PCBP3: variants seen among roughly 807,000 people sequenced by gnomAD.
PCBP3 encodes poly(rC) binding protein 3.
A neutral mutation model predicts 52.7 loss-of-function variants in PCBP3; 25 were observed. The ratio of observed to expected loss-of-function variants is 0.47; its 90% CI spans 0.35 to 0.66. The LOEUF (loss-of-function observed/expected upper bound fraction) is 0.66. Ranked by LOEUF, PCBP3 falls within the 30% of genes least tolerant of loss-of-function variation. The pLI is 0.01. For missense variants in PCBP3, 391 were observed against 490.3 expected (o/e 0.80, Z 1.91); for synonymous variants, 162 against 183.0 (o/e 0.89, Z 0.93).
chr21:45,924,265 G>A (rs529553048), intron 13 of PCBP3, among the ~76,000 whole-genome samples: 1 of 148,654 alleles, frequency 6.7e-6, no homozygotes, highest in East Asian at 2.1e-4. Context: ...AACAGCACAC[G>A]TAAGATCGGG....
chr21:45,922,990 G>C (rs2074668985), intron 13 of PCBP3, among the ~76,000 whole-genome samples: 1 of 152,214 alleles, frequency 6.6e-6, no homozygotes, highest in South Asian at 2.1e-4. Context: ...TTGTAAGTGG[G>C]AGCCAGGGAT....
In PCBP3 at chr21:45,789,826, C is replaced by T. The variant is rs58789579; in HGVS notation, c.-126+34374C>T. On this transcript the variant is annotated intron_variant, in intron 4 of 17. Coordinates refer to ENST00000681687, the MANE Select transcript of PCBP3 (RefSeq NM_001384156.1). ...GGGCCGAGTTAGGTTCTCGCCAAAT[C>T]GCTCTGGTGTCTGGGTAGAGAATAG... Among the ~76,000 whole-genome samples, 745 of 152,222 alleles carry T rather than the reference C, an allele frequency of 4.9e-3. 7 individuals are homozygous for T. Among genetic ancestry groups the T allele is most frequent in the African/African-American group, 0.016 (681 of 41,524 alleles).
At chr21:45,843,878 C>T (rs147763451) in intron 4 of PCBP3, among the ~76,000 whole-genome samples, 7 of 152,262 alleles carry the variant, frequency 4.6e-5, no homozygotes, top group African/African-American at 1.2e-4. Flanking sequence ...GACACACATA[C>T]GCACTATCAT....
intron 2 of PCBP3, among the ~76,000 whole-genome samples, chr21:45,670,558 C>G (rs1343606120): frequency 6.6e-6 from 1 of 152,058 alleles, no homozygotes; most frequent in African/African-American, 2.4e-5. Flanking sequence ...CTTAAAGGAG[C>G]AAGCTTAATC....
intron 4 of PCBP3, among the ~76,000 whole-genome samples, chr21:45,769,798 CTCGTTTCACAAG>C: frequency 6.6e-6 from 1 of 152,210 alleles, no homozygotes; most frequent in East Asian, 1.9e-4. Context: ...AAATGGGCCG[CTCGTTTCACAAG>C]TGATAGAAAT....
intron 4 of PCBP3, among the ~76,000 whole-genome samples, chr21:45,756,229 C>A (rs1265804557): frequency 6.6e-6 from 1 of 152,192 alleles, no homozygotes. Context: ...TTTGCTCTTT[C>A]ACCAGACAGC....
chr21:45,755,115 C>T (rs984125317), intron 3 of PCBP3, among the ~76,000 whole-genome samples: 2 of 152,152 alleles, frequency 1.3e-5, no homozygotes, highest in Admixed American at 1.3e-4. Flanking sequence ...CTCAAAGTTC[C>T]CTCATGACCC....
intron 1 of PCBP3, among the ~76,000 whole-genome samples, chr21:45,665,260 T>C (rs1414925714): frequency 4.6e-5 from 7 of 152,016 alleles, no homozygotes; most frequent in Non-Finnish European, 1.0e-4. Flanking sequence ...AATAAAAAAT[T>C]AGACAGGCAT....
intron 4 of PCBP3, among the ~76,000 whole-genome samples, chr21:45,759,464 T>C (rs2088405153): frequency 6.6e-6 from 1 of 152,218 alleles, no homozygotes; most frequent in Non-Finnish European, 1.5e-5. Flanking sequence ...CCGCATTATT[T>C]TTCTCTTCTT....
chr21:45,663,842 A>AT (rs1426339339), intron 1 of PCBP3, among the ~76,000 whole-genome samples: 3 of 151,890 alleles, frequency 2.0e-5, no homozygotes, highest in South Asian at 2.1e-4. Context: ...TGATTTGGTT[A>AT]TTTGGGCTCT....
intron 8 of PCBP3, 64 bp from the exon 9 acceptor site, chr21:45,900,933 G>T: frequency 1.7e-6 from 2 of 1,156,224 alleles, no homozygotes; most frequent in East Asian, 4.7e-5. Flanking sequence ...CGGACTTGCG[G>T]CCCCCGACCC....
At chr21:45,669,615 C>T (rs1038026302) in intron 2 of PCBP3, among the ~76,000 whole-genome samples, 4 of 151,736 alleles carry the variant, frequency 2.6e-5, no homozygotes, top group African/African-American at 9.7e-5. Flanking sequence ...AACTACCATT[C>T]TACTTTCTGT....
chr21:45,875,798 T>G (rs2095239676), intron 5 of PCBP3, among the ~76,000 whole-genome samples: 1 of 152,246 alleles, frequency 6.6e-6, no homozygotes, highest in Non-Finnish European at 1.5e-5. Flanking sequence ...AGGGTTAAAC[T>G]TCTACTGTTC....
In PCBP3 at chr21:45,802,958, A is replaced by G. The variant is rs903340392; in HGVS notation, c.-125-47003A>G. Among the ~76,000 whole-genome samples the G allele has an allele frequency of 4.6e-5, 7 of 152,142 alleles. No individual in the cohort carries two copies. Among genetic ancestry groups the G allele is most frequent in the Non-Finnish European group, 1.0e-4 (7 of 68,020 alleles). On this transcript the variant is annotated intron_variant, in intron 4 of 17. Transcript: ENST00000681687. This position sits in a 1 kb window ranked among gnomAD's most constrained non-coding sequence, Gnocchi z 5.1. Reference sequence around the variant, plus strand: ...GAATCTCTTTGAGTTCTTTTTAATGATTTTTCTTGTTTTCAATAAAAAATA... The same window carrying G: ...GAATCTCTTTGAGTTCTTTTTAATGGTTTTTCTTGTTTTCAATAAAAAATA...
At chr21:45,714,027 T>C (rs558229526) in intron 2 of PCBP3, among the ~76,000 whole-genome samples, 56 of 152,306 alleles carry the variant, frequency 3.7e-4, no homozygotes, top group African/African-American at 1.3e-3. Context: ...TACACTTCTG[T>C]CCTCTTGTTT....
intron 5 of PCBP3, among the ~76,000 whole-genome samples, chr21:45,870,094 CAT>C (rs980632283): frequency 1.6e-4 from 24 of 152,110 alleles, no homozygotes; most frequent in South Asian, 2.1e-4. Flanking sequence ...TCTTAATCTT[CAT>C]AAATCTATTT....
At chr21:45,908,996 C>A (rs1212675552) in intron 9 of PCBP3, among the ~76,000 whole-genome samples, 1 of 152,150 alleles carries the variant, frequency 6.6e-6, no homozygotes, top group Non-Finnish European at 1.5e-5. Context: ...CAGCCCCCAG[C>A]TAGTCTCCAG....
intron 9 of PCBP3, among the ~76,000 whole-genome samples, chr21:45,906,612 T>A (rs1278628133): frequency 6.6e-6 from 1 of 152,082 alleles, no homozygotes; most frequent in African/African-American, 2.4e-5. Flanking sequence ...TGGGATTGTG[T>A]CAGGTGCAGC....
chr21:45,861,529 C>T (rs2094510016), intron 5 of PCBP3, among the ~76,000 whole-genome samples: 1 of 152,148 alleles, frequency 6.6e-6, no homozygotes, highest in Non-Finnish European at 1.5e-5. Context: ...AACAGGAACC[C>T]CACACCGAGA....
Sources: gnomAD v4.1 joint callset for allele counts (sites outside exome capture counted in the v4.1 genomes callset) on GRCh38, gnomAD v4.1.1 for gene constraint, Gnocchi (gnomAD v3.1) non-coding constraint, MANE v1.5 for transcripts, NCBI Gene and HGNC (gene_info 2026-07-23, HGNC 2026-07-21) for gene names.